Variants in MCF2L2 observed in about 807,000 individuals in gnomAD.
MCF2L2 encodes the protein MCF.2 cell line derived transforming sequence-like 2.
MCF2L2 carries 102 observed loss-of-function variants against 150.2 expected under a neutral mutation model. The observed-to-expected ratio is 0.68, with a 90% CI of 0.58 to 0.80. The LOEUF is 0.80. Among genes scored for constraint, MCF2L2 ranks in the 30% least tolerant of loss-of-function variants. The pLI is 0.00. For missense variants in MCF2L2, 1,256 were observed against 1,372.8 expected, an observed-to-expected ratio of 0.91 and a Z score of 1.34; for synonymous variants, 465 against 491.3, an observed-to-expected ratio of 0.95 and a Z score of 0.71.
intron 1 of MCF2L2, among the ~76,000 whole-genome samples, chr3:183,405,055 C>T (rs1290337054): frequency 1.3e-5 from 2 of 151,834 alleles, no homozygotes; most frequent in Admixed American, 1.3e-4. Flanking sequence ...ATAGAATTTA[C>T]AATATAATTG....
At chr3:183,308,244 A>G (rs187617958) in intron 10 of MCF2L2, among the ~76,000 whole-genome samples, 14 of 152,142 alleles carry the variant, frequency 9.2e-5, no homozygotes, top group African/African-American at 3.4e-4. Context: ...TGAATAAATA[A>G]CCCTCTGGAT....
intron 3 of MCF2L2, among the ~76,000 whole-genome samples, chr3:183,360,389 G>A (rs964989815): frequency 6.6e-6 from 1 of 151,906 alleles, no homozygotes; most frequent in East Asian, 1.9e-4. Context: ...GCAACAGAAC[G>A]AGATACTGTC....
chr3:183,257,919 C>G (rs993307981), intron 15 of MCF2L2, among the ~76,000 whole-genome samples: 3 of 141,836 alleles, frequency 2.1e-5, no homozygotes, highest in Non-Finnish European at 3.0e-5. Context: ...TGCGTAGTCT[C>G]TCTTGGAATG....
chr3:183,371,261 G>T (rs1382440575), intron 3 of MCF2L2, among the ~76,000 whole-genome samples: 2 of 152,164 alleles, frequency 1.3e-5, no homozygotes, highest in Non-Finnish European at 2.9e-5. Context: ...CACAGCCTCA[G>T]GAGGTCTTGA....
chr3:183,215,842 C>T (rs1255235436), intron 22 of MCF2L2, 127 bp downstream of exon 22: 8 of 1,155,304 alleles, frequency 6.9e-6, no homozygotes, highest in African/African-American at 3.2e-5. Flanking sequence ...GCAATTTAGG[C>T]GACTGTCCTC....
chr3:183,243,169 G>A (rs1465034061), intron 15 of MCF2L2, among the ~76,000 whole-genome samples: 3 of 152,194 alleles, frequency 2.0e-5, no homozygotes, highest in Non-Finnish European at 4.4e-5. Context: ...ACTTTGAACT[G>A]TGGACTTTTG....
chr3:183,398,732 G>A (rs1029506765), intron 1 of MCF2L2, among the ~76,000 whole-genome samples: 2 of 152,016 alleles, frequency 1.3e-5, no homozygotes, highest in African/African-American at 4.8e-5. Flanking sequence ...GCTTTAGTCC[G>A]AAAAGTCAGC....
At chr3:183,322,085 GC>G (rs903532855) in intron 6 of MCF2L2, among the ~76,000 whole-genome samples, 3 of 152,140 alleles carry the variant, frequency 2.0e-5, no homozygotes, top group Admixed American at 6.6e-5. Flanking sequence ...CATCCCAAAA[GC>G]CCCCTCCTCT....
chr3:183,322,866 G>A (rs6808887), intron 6 of MCF2L2, among the ~76,000 whole-genome samples: 21,913 of 152,010 alleles, frequency 0.14, 1,739 homozygotes, highest in African/African-American at 0.2. Context: ...CAATATGTAT[G>A]TACGTTAGAA....
At chr3:183,377,882 T>A (rs1713281447) in intron 3 of MCF2L2, 1 of 152,124 alleles carries the variant, frequency 6.6e-6, no homozygotes, top group Non-Finnish European at 1.5e-5. Flanking sequence ...CATCCTTATA[T>A]CTGCATTAAC....
intron 16 of MCF2L2, among the ~76,000 whole-genome samples, chr3:183,230,361 G>A (rs901696591): frequency 2.0e-5 from 3 of 152,096 alleles, no homozygotes; most frequent in African/African-American, 7.2e-5. Flanking sequence ...CGATCCACCC[G>A]CCTCGGCCTC....
intron 15 of MCF2L2, among the ~76,000 whole-genome samples, chr3:183,262,466 A>T (rs1339063523): frequency 6.6e-6 from 1 of 152,024 alleles, no homozygotes; most frequent in Non-Finnish European, 1.5e-5. Flanking sequence ...TTGATTTTTT[A>T]AAAATATTGC....
rs982329033 is a variant in MCF2L2, at chr3:183,384,461, A to G, written c.161-5050T>C. Among the ~76,000 whole-genome samples, 66 of 152,184 alleles carry G rather than the reference A, an allele frequency of 4.3e-4. 1 individual carries two copies. Among genetic ancestry groups the G allele is most frequent in the Non-Finnish European group, 1.3e-4 (9 of 68,040 alleles). On this transcript the variant is annotated intron_variant, in intron 2 of 29. Transcript: ENST00000328913. ...ACTGCTCCTAAGATCAGTGCTTGAG[A>G]TATTTTGCAAACCCTGCACTTGATG...
At position 183,422,251 on chromosome 3, in the gene MCF2L2, C is replaced by T. The variant is rs571257988; in HGVS notation, c.76+5651G>A. The stretch of plus-strand genomic sequence containing the variant: ...CAGACTCCTCTTAATTTCTTACTCT[C>T]AAAATCTCCATTGTATTCAAGAGTG... On this transcript the variant is annotated intron_variant, in intron 1 of 29. Coordinates refer to ENST00000328913, the MANE Select transcript of MCF2L2 (RefSeq NM_015078.4). 3.3e-5 allele frequency among the ~76,000 whole-genome samples: 5 copies of T among 152,192 alleles called. No homozygotes were observed. In the South Asian group the frequency reaches 6.2e-4, roughly 19 times the overall value.
intron 15 of MCF2L2, among the ~76,000 whole-genome samples, chr3:183,264,547 G>A (rs1047899206): frequency 9.9e-5 from 15 of 152,198 alleles, no homozygotes; most frequent in African/African-American, 3.6e-4. Flanking sequence ...ATAAGAACCC[G>A]CAGAGTAAAT....
chr3:183,306,030 C>G (rs1354667624), intron 10 of MCF2L2, among the ~76,000 whole-genome samples: 1 of 152,198 alleles, frequency 6.6e-6, no homozygotes, highest in Non-Finnish European at 1.5e-5. Flanking sequence ...TTCACAAGGT[C>G]TCTGTGAGGC....
chr3:183,259,873 G>A (rs1725429182), intron 15 of MCF2L2, among the ~76,000 whole-genome samples: 1 of 152,130 alleles, frequency 6.6e-6, no homozygotes, highest in Non-Finnish European at 1.5e-5. Context: ...TGAAATGGAA[G>A]GTTTGAAAAA....
At chr3:183,420,089 ATATCAT>A (rs1431705746) in intron 1 of MCF2L2, among the ~76,000 whole-genome samples, 1 of 152,178 alleles carries the variant, frequency 6.6e-6, no homozygotes, top group Non-Finnish European at 1.5e-5. Context: ...TTCATTGTGC[ATATCAT>A]TATCAACATT....
intron 15 of MCF2L2, among the ~76,000 whole-genome samples, chr3:183,250,352 G>A (rs1010258879): frequency 1.3e-5 from 2 of 152,128 alleles, no homozygotes; most frequent in African/African-American, 2.4e-5. Context: ...TTGGGAGGCC[G>A]AGGCGGGCGG....
Sources: gnomAD v4.1 joint callset for allele counts (sites outside exome capture counted in the v4.1 genomes callset) on GRCh38, gnomAD v4.1.1 for gene constraint, MANE v1.5 for transcripts, NCBI Gene and HGNC (gene_info 2026-07-23, HGNC 2026-07-21) for gene names.